CAMTA1: variants seen among roughly 807,000 people sequenced by gnomAD.
The protein encoded by CAMTA1 is calmodulin binding transcription activator 1, also known as calmodulin-binding transcription activator 1.
In CAMTA1, 27 loss-of-function variants were observed where a neutral mutation model predicts 170.9. The observed-to-expected ratio is 0.16, with a 90% confidence interval of 0.12 to 0.22. CAMTA1 has a LOEUF of 0.22. CAMTA1 is among the 10% of genes least tolerant of loss of function. The pLI is 1.00. For synonymous variants in CAMTA1, 833 were observed against 891.5 expected (o/e 0.93, Z 1.17); for missense variants, 1,619 against 2,217.2 (o/e 0.73, Z 5.42).
intron 3 of CAMTA1, among the ~76,000 whole-genome samples, chr1:6,979,290 C>A (rs1163620276): frequency 2.0e-5 from 3 of 152,190 alleles, no homozygotes; most frequent in Non-Finnish European, 4.4e-5. Context: ...CTAGGTGCTG[C>A]TCCCTCTCCC....
intron 3 of CAMTA1, among the ~76,000 whole-genome samples, chr1:7,040,192 G>T (rs1404183413): frequency 6.6e-6 from 1 of 150,734 alleles, no homozygotes; most frequent in African/African-American, 2.4e-5. Context: ...TAGCATTTTG[G>T]AATAAAGTCG....
At chr1:7,408,211 G>GC (rs58221526) in intron 5 of CAMTA1, among the ~76,000 whole-genome samples, 152,318 of 152,322 alleles carry the variant, frequency 1, 76,157 homozygotes, top group Middle Eastern at 1. Context: ...AGGGCCCCCG[G>GC]CAAGCCTGGC....
intron 6 of CAMTA1, among the ~76,000 whole-genome samples, chr1:7,480,122 TGA>T (rs771476583): frequency 6.7e-6 from 1 of 149,084 alleles, no homozygotes; most frequent in Non-Finnish European, 1.5e-5. Context: ...TGTGTGTGTG[TGA>T]GTATGTGTGT....
intron 3 of CAMTA1, among the ~76,000 whole-genome samples, chr1:7,082,997 G>A (rs1002332454): frequency 3.9e-5 from 6 of 152,146 alleles, no homozygotes; most frequent in Non-Finnish European, 7.3e-5. Flanking sequence ...GCATATTGTA[G>A]GTGCTCAATA....
At chr1:7,431,383 C>T (rs926489906) in intron 5 of CAMTA1, among the ~76,000 whole-genome samples, 2 of 152,180 alleles carry the variant, frequency 1.3e-5, no homozygotes, top group African/African-American at 4.8e-5. Flanking sequence ...CACGACTGAC[C>T]CTACCCCAGA....
intron 5 of CAMTA1, among the ~76,000 whole-genome samples, chr1:7,287,979 T>C (rs1397524157): frequency 6.6e-6 from 1 of 152,248 alleles, no homozygotes; most frequent in African/African-American, 2.4e-5. Flanking sequence ...AGTCTTTCTT[T>C]GTCCAGGAAG....
intron 3 of CAMTA1, among the ~76,000 whole-genome samples, chr1:6,941,472 T>C (rs1384792398): frequency 6.6e-6 from 1 of 152,138 alleles, no homozygotes; most frequent in East Asian, 1.9e-4. Context: ...GGTGCCTGCA[T>C]GTGGCTCCCC....
intron 4 of CAMTA1, among the ~76,000 whole-genome samples, chr1:7,136,526 GA>G (rs150842399): frequency 1.6e-4 from 24 of 145,594 alleles, no homozygotes; most frequent in East Asian, 1.2e-3. Flanking sequence ...TCCCTATCTT[GA>G]AAAAAAAAAG....
intron 3 of CAMTA1, among the ~76,000 whole-genome samples, chr1:7,029,220 G>A (rs1702443428): frequency 6.6e-6 from 1 of 151,160 alleles, no homozygotes; most frequent in African/African-American, 2.4e-5. Flanking sequence ...TCAAGGGCTC[G>A]GCTGGGCACG....
intron 22 of CAMTA1, among the ~76,000 whole-genome samples, chr1:7,758,884 G>A (rs1344929477): frequency 7.0e-6 from 1 of 143,388 alleles, no homozygotes; most frequent in African/African-American, 2.6e-5. Context: ...GCAGTGAGCC[G>A]AGATAGCGCC....
intron 6 of CAMTA1, among the ~76,000 whole-genome samples, chr1:7,509,392 G>A (rs1194517302): frequency 6.6e-6 from 1 of 152,170 alleles, no homozygotes; most frequent in Non-Finnish European, 1.5e-5. Context: ...GGGGAGCCAG[G>A]ATTCAGAACA....
rs545247158 is a variant in CAMTA1, at chr1:7,561,024, C to A, written c.511-79376C>A. 6.6e-6 allele frequency among the ~76,000 whole-genome samples: 1 copy of A among 152,258 alleles called. No homozygotes were observed. The highest frequency in any genetic ancestry group is 2.1e-4 in the South Asian group (1 of 4,826). The stretch of plus-strand genomic sequence containing the variant: ...TGAAGGACAGGCTGGGACCTAGAAG[C>A]CCTGGCCCTCTGCGCTCAGGCTCAG... On this transcript the variant is annotated intron_variant, in intron 6 of 22. Coordinates refer to ENST00000303635, the MANE Select transcript of CAMTA1 (RefSeq NM_015215.4). This position sits in a 1 kb window ranked among gnomAD's most constrained non-coding sequence, Gnocchi z 5.3.
intron 1 of CAMTA1, among the ~76,000 whole-genome samples, chr1:6,786,603 G>A (rs979593526): frequency 6.6e-6 from 1 of 152,220 alleles, no homozygotes; most frequent in African/African-American, 2.4e-5. Context: ...AAATAGGAAA[G>A]CAGACACTTC....
chr1:7,090,208 G>A (rs567380204), intron 3 of CAMTA1, among the ~76,000 whole-genome samples: 19 of 152,260 alleles, frequency 1.2e-4, no homozygotes, highest in Non-Finnish European at 2.4e-4. Flanking sequence ...ACTCTCACCT[G>A]CTCTGCTTAC....
At position 7,201,067 on chromosome 1, in the gene CAMTA1, C is replaced by T. The variant is rs189764110; in HGVS notation, c.303-48424C>T. ...CTATCTCCCCATCCACACTCCCCAC[C>T]GCCAGCCCTCTGCAAACATTAATCC... On this transcript the variant is annotated intron_variant, in intron 4 of 22. Coordinates refer to ENST00000303635, the MANE Select transcript of CAMTA1 (RefSeq NM_015215.4). 4.3e-4 allele frequency among the ~76,000 whole-genome samples: 65 copies of T among 152,268 alleles called. 1 individual carries two copies. The highest frequency in any genetic ancestry group is 1.2e-3 in the Admixed American group (19 of 15,294).
At chr1:7,521,899 C>G (rs2094370839) in intron 6 of CAMTA1, among the ~76,000 whole-genome samples, 1 of 152,182 alleles carries the variant, frequency 6.6e-6, no homozygotes, top group African/African-American at 2.4e-5. Flanking sequence ...ATGGATGAAC[C>G]ACTATTGTTT....
At chr1:7,764,267 T>G (rs1178703899) in intron 22 of CAMTA1, among the ~76,000 whole-genome samples, 1 of 152,230 alleles carries the variant, frequency 6.6e-6, no homozygotes, top group African/African-American at 2.4e-5. Context: ...AGCAATGTAT[T>G]CTAACTGTGC....
At chr1:7,366,574 T>C (rs981703860) in intron 5 of CAMTA1, among the ~76,000 whole-genome samples, 2 of 152,262 alleles carry the variant, frequency 1.3e-5, no homozygotes, top group Non-Finnish European at 2.9e-5. Flanking sequence ...ATGAAGTAGA[T>C]GCTCTCTCCT....
intron 19 of CAMTA1, 121 bp downstream of exon 19, chr1:7,747,902 G>T: frequency 3.6e-6 from 2 of 562,018 alleles, no homozygotes; most frequent in South Asian, 2.8e-5. Context: ...TTTGTTTTTT[G>T]GTTGTTTTTT....
Sources: gnomAD v4.1 joint callset for allele counts (sites outside exome capture counted in the v4.1 genomes callset) on GRCh38, gnomAD v4.1.1 for gene constraint, Gnocchi (gnomAD v3.1) non-coding constraint, MANE v1.5 for transcripts, NCBI Gene and HGNC (gene_info 2026-07-23, HGNC 2026-07-21) for gene names.